NTM: variants seen among roughly 807,000 people sequenced by gnomAD.
NTM encodes neurotrimin.
In NTM, 13 loss-of-function variants were observed where a neutral mutation model predicts 42.1. The ratio of observed to expected loss-of-function variants is 0.31; its 90% CI spans 0.20 to 0.49. NTM has a LOEUF of 0.49. Among genes scored for constraint, NTM ranks in the 20% least tolerant of loss-of-function variants. The probability of loss-of-function intolerance (pLI) is 0.99; values close to 1 mark genes in which losing one functional copy is unlikely to be tolerated. For synonymous variants in NTM, 187 were observed against 179.2 expected (o/e 1.04, Z -0.35); for missense variants, 373 against 452.8 (o/e 0.82, Z 1.60).
At chr11:132,272,091 G>A (rs2093506400) in intron 4 of NTM, among the ~76,000 whole-genome samples, 1 of 151,974 alleles carries the variant, frequency 6.6e-6, no homozygotes, top group Admixed American at 6.6e-5. Flanking sequence ...TTTGCATGTG[G>A]ATATCTAGTT....
intron 2 of NTM, among the ~76,000 whole-genome samples, chr11:132,121,601 T>C (rs2064833985): frequency 6.6e-6 from 1 of 152,216 alleles, no homozygotes; most frequent in African/African-American, 2.4e-5. Flanking sequence ...AATCCTCTCC[T>C]GTTTCTCTCT....
intron 1 of NTM, among the ~76,000 whole-genome samples, chr11:131,516,735 T>C (rs1345085981): frequency 1.3e-5 from 2 of 152,156 alleles, no homozygotes; most frequent in Non-Finnish European, 2.9e-5. Context: ...TAATTGGGCA[T>C]TGGAGGTGGA....
intron 4 of NTM, among the ~76,000 whole-genome samples, chr11:132,216,912 T>A (rs1488410977): frequency 1.3e-5 from 2 of 152,190 alleles, no homozygotes; most frequent in African/African-American, 4.8e-5. Context: ...TCTCCAAGCC[T>A]TTCCTGAAGT....
intron 4 of NTM, among the ~76,000 whole-genome samples, chr11:132,221,871 G>A (rs2085230304): frequency 1.3e-5 from 2 of 152,124 alleles, no homozygotes; most frequent in Admixed American, 1.3e-4. Context: ...TCAAATCCAA[G>A]ACTTTTTGAC....
intron 2 of NTM, among the ~76,000 whole-genome samples, chr11:131,933,774 T>G (rs1481378344): frequency 6.6e-6 from 1 of 152,074 alleles, no homozygotes; most frequent in Non-Finnish European, 1.5e-5. Flanking sequence ...TTGAAATAGA[T>G]GAAATCTAGC....
chr11:131,773,888 C>A (rs2086544415), intron 1 of NTM: 1 of 373,376 alleles, frequency 2.7e-6, no homozygotes, highest in African/African-American at 2.2e-5. Flanking sequence ...TGGTCTGGGT[C>A]CTTGTGCATC....
chr11:131,537,524 G>A (rs555132018), intron 1 of NTM: 1 of 152,202 alleles, frequency 6.6e-6, no homozygotes, highest in East Asian at 1.9e-4. Flanking sequence ...AGCTTCAAAA[G>A]GCTCTTATTA....
At chr11:132,267,714 G>T (rs898616284) in intron 4 of NTM, among the ~76,000 whole-genome samples, 1 of 151,788 alleles carries the variant, frequency 6.6e-6, no homozygotes, top group Non-Finnish European at 1.5e-5. Flanking sequence ...TGAGGTGGGA[G>T]AATTGCTTGA....
intron 1 of NTM, among the ~76,000 whole-genome samples, chr11:131,591,378 G>A (rs762298055): frequency 3.0e-4 from 46 of 152,338 alleles, no homozygotes; most frequent in Middle Eastern, 3.4e-3. Context: ...GAAGCCTCCC[G>A]TGGGCCTGCT....
At chr11:132,282,999 T>C (rs2094054503) in intron 4 of NTM, among the ~76,000 whole-genome samples, 1 of 108,164 alleles carries the variant, frequency 9.2e-6, no homozygotes, top group Non-Finnish European at 2.0e-5. Context: ...TTTTTTTTTT[T>C]TTATTTGAGA....
chr11:132,258,248 G>GTCCTCATCTCAGTTGTTAATCATC, intron 4 of NTM, among the ~76,000 whole-genome samples: 1 of 152,200 alleles, frequency 6.6e-6, no homozygotes, highest in Admixed American at 6.5e-5. Flanking sequence ...TCTAAACTCT[G>GTCCTCATCTCAGTTGTTAATCATC]TCCTCATCTC....
At chr11:131,507,049 G>T (rs577524654) in intron 1 of NTM, among the ~76,000 whole-genome samples, 3 of 151,968 alleles carry the variant, frequency 2.0e-5, no homozygotes, top group African/African-American at 7.3e-5. Flanking sequence ...CCCTTATATC[G>T]GTACACTGTT....
chr11:131,477,903 C>A (rs1033872355), intron 1 of NTM, among the ~76,000 whole-genome samples: 9 of 151,546 alleles, frequency 5.9e-5, no homozygotes, highest in Non-Finnish European at 1.5e-5. Context: ...CAGGTTCTGA[C>A]AATTGCTGTT....
chr11:131,496,570 C>G (rs1178868956), intron 1 of NTM, among the ~76,000 whole-genome samples: 2 of 152,228 alleles, frequency 1.3e-5, no homozygotes, highest in African/African-American at 4.8e-5. Flanking sequence ...GAAGGGTCCA[C>G]CAGCAGCTCT....
intron 4 of NTM, among the ~76,000 whole-genome samples, chr11:132,221,890 C>T (rs1313120750): frequency 6.6e-6 from 1 of 152,188 alleles, no homozygotes; most frequent in African/African-American, 2.4e-5. Flanking sequence ...ACTCCAAAAT[C>T]CATATTGTTA....
intron 2 of NTM, among the ~76,000 whole-genome samples, chr11:132,093,456 G>A (rs374011408): frequency 1.5e-4 from 23 of 152,254 alleles, no homozygotes; most frequent in African/African-American, 4.8e-4. Context: ...ATATTGGACT[G>A]AGCAGTCTTC....
At chr11:131,371,346 T>C (rs4503561) in intron 1 of NTM, among the ~76,000 whole-genome samples, 1,992 of 152,212 alleles carry the variant, frequency 0.013, 41 homozygotes, top group African/African-American at 0.046. Context: ...AAGGGGAAAA[T>C]GCAGGCTAGA....
At chr11:131,662,802 T>C (rs1245981865) in intron 1 of NTM, among the ~76,000 whole-genome samples, 1 of 152,138 alleles carries the variant, frequency 6.6e-6, no homozygotes, top group East Asian at 1.9e-4. Flanking sequence ...CCTCAGAACT[T>C]GCCTTGTCAG....
intron 4 of NTM, among the ~76,000 whole-genome samples, chr11:132,239,478 T>C (rs895110340): frequency 3.3e-5 from 5 of 152,254 alleles, no homozygotes; most frequent in Admixed American, 2.0e-4. Flanking sequence ...AAGGTGGGGC[T>C]GTTATGTTTC....
Sources: gnomAD v4.1 joint callset for allele counts (sites outside exome capture counted in the v4.1 genomes callset) on GRCh38, gnomAD v4.1.1 for gene constraint, MANE v1.5 for transcripts, NCBI Gene and HGNC (gene_info 2026-07-23, HGNC 2026-07-21) for gene names.